COL5A1: variants seen among roughly 807,000 people sequenced by gnomAD.
COL5A1 encodes collagen type V alpha 1 chain, also known as collagen alpha-1(V) chain.
In COL5A1, 16 loss-of-function variants were observed where a neutral mutation model predicts 263.7. The ratio of observed to expected loss-of-function variants is 0.06; its 90% confidence interval spans 0.04 to 0.09. COL5A1 has a LOEUF of 0.09. Among genes scored for constraint, COL5A1 ranks in the 10% least tolerant of loss-of-function variants. The probability of loss-of-function intolerance (pLI) is 1.00; values close to 1 mark genes in which losing one functional copy is unlikely to be tolerated. For synonymous variants in COL5A1, 1,012 were observed against 1,004.5 expected (o/e 1.01, Z -0.14); for missense variants, 2,036 against 2,540.5 (o/e 0.80, Z 4.27).
At chr9:134,764,185 G>T (rs1227773310) in intron 20 of COL5A1, among the ~76,000 whole-genome samples, 1 of 146,388 alleles carries the variant, frequency 6.8e-6, no homozygotes, top group Non-Finnish European at 1.5e-5. Flanking sequence ...TGGGTACAAG[G>T]GCATTGTGGG....
chr9:134,770,512 A>C (rs748542296), intron 25 of COL5A1, among the ~76,000 whole-genome samples: 3 of 152,240 alleles, frequency 2.0e-5, no homozygotes, highest in Admixed American at 6.5e-5. Context: ...GACATGAGAA[A>C]AATGCTCACA....
chr9:134,759,498 C>A lies in COL5A1; in HGVS notation c.1935+1202C>A, dbSNP rs200276194. 2.7e-5 allele frequency among the ~76,000 whole-genome samples: 3 copies of A among 112,882 alleles called. 1 individual carries two copies. The highest frequency in any genetic ancestry group is 2.9e-4 in the South Asian group (1 of 3,466). 74.1% of individuals were successfully genotyped at this position (112,882 alleles called of 152,430 possible). A position where few individuals can be genotyped will look rare whatever the true frequency, so the allele number is the denominator to read the frequency against. On this transcript the variant is annotated intron_variant, in intron 18 of 65. Coordinates refer to ENST00000371817, the MANE Select transcript of COL5A1 (RefSeq NM_000093.5). ...ACACCCACACACACCCACACTCATA[C>A]ACACATGCACACACACATACACACA...
At chr9:134,721,597 G>T (rs766141684) in intron 4 of COL5A1, among the ~76,000 whole-genome samples, 9 of 152,168 alleles carry the variant, frequency 5.9e-5, no homozygotes, top group Non-Finnish European at 1.0e-4. Flanking sequence ...CTGGAGTCCT[G>T]CGGGGTGGGT....
intron 4 of COL5A1, chr9:134,709,266 G>A (rs1317671957): frequency 6.5e-6 from 2 of 306,334 alleles, no homozygotes; most frequent in African/African-American, 2.2e-5. Context: ...GGGGCCTCTA[G>A]CTGAGGCTTC....
At chr9:134,685,086 A>AT (rs1209089051) in intron 1 of COL5A1, among the ~76,000 whole-genome samples, 1,148 of 40,278 alleles carry the variant, frequency 0.029, no homozygotes, top group Admixed American at 0.037. Context: ...CCATCCACCC[A>AT]CCATCCATCC....
intron 17 of COL5A1, 115 bp downstream of exon 17, chr9:134,756,933 C>T: frequency 2.9e-6 from 3 of 1,028,754 alleles, no homozygotes; most frequent in Non-Finnish European, 4.6e-6. Context: ...TGACAGGTGG[C>T]TCCGTCACTG....
At chr9:134,739,011 G>C (rs1186471739) in intron 11 of COL5A1, among the ~76,000 whole-genome samples, 1 of 152,186 alleles carries the variant, frequency 6.6e-6, no homozygotes, top group African/African-American at 2.4e-5. Flanking sequence ...GGAGAGTGGG[G>C]CCCCTCGGGG....
At chr9:134,764,263 G>A (rs1836576839) in intron 20 of COL5A1, among the ~76,000 whole-genome samples, 1 of 123,762 alleles carries the variant, frequency 8.1e-6, no homozygotes, top group Non-Finnish European at 1.7e-5. Context: ...TAGGGGGTCC[G>A]AGGGCATTGT....
rs569425228 is a variant in COL5A1, at chr9:134,791,136, C to G, written c.2700+1928C>G. Among the ~76,000 whole-genome samples the G allele has an allele frequency of 1.7e-4, 26 of 152,334 alleles. No homozygotes were observed. The South Asian group carries it at 3.3e-3, about 19-fold the overall frequency. ...ACACAACACAAACCTGACTCAAGCC[C>G]AGACCTGCCAGGCACCACATGCCCC... On this transcript the variant is annotated intron_variant, in intron 32 of 65. Coordinates refer to ENST00000371817, the MANE Select transcript of COL5A1 (RefSeq NM_000093.5).
rs1375952977 is a variant in COL5A1, at chr9:134,825,874, A to T, written c.5037A>T (p.Thr1679=). Reference sequence around the variant, plus strand: ...GCAACTTCACAGCCGGGGGGTCGACATGCGTCTTCCCTGACAAGAAGTCCG... The same window carrying T: ...GCAACTTCACAGCCGGGGGGTCGACTTGCGTCTTCCCTGACAAGAAGTCCG... ...VYCNFTAGGS[T]CVFPDKKSEG... is the part of the protein sequence containing the mutation. The change falls in exon 63 of 66, where the codon ACA becomes ACT. Residue 1679 remains threonine (T), a synonymous_variant. Coordinates refer to ENST00000371817, the MANE Select transcript of COL5A1 (RefSeq NM_000093.5). 1 of 1,613,056 alleles carries T rather than the reference A, an allele frequency of 6.2e-7. No individual in the cohort carries two copies. Among genetic ancestry groups the T allele is most frequent in the East Asian group, 2.2e-5 (1 of 44,850 alleles).
intron 27 of COL5A1, 49 bp from the exon 28 acceptor site, chr9:134,780,053 G>A: frequency 6.2e-7 from 1 of 1,609,054 alleles, no homozygotes; most frequent in African/African-American, 1.3e-5. Context: ...GCTCTAGAAA[G>A]GCTGAGACTT....
chr9:134,662,514 C>T (rs1218408826), intron 1 of COL5A1, among the ~76,000 whole-genome samples: 3 of 152,210 alleles, frequency 2.0e-5, no homozygotes, highest in Admixed American at 6.5e-5. Context: ...ACGTAGATGC[C>T]CAGTGCTGCC....
At chr9:134,720,911 T>C (rs1834426340) in intron 4 of COL5A1, among the ~76,000 whole-genome samples, 2 of 152,150 alleles carry the variant, frequency 1.3e-5, no homozygotes, top group Admixed American at 1.3e-4. Flanking sequence ...CACAGCTGCC[T>C]TCAAGGTCTG....
At chr9:134,671,141 C>A (rs1035786723) in intron 1 of COL5A1, among the ~76,000 whole-genome samples, 4 of 152,228 alleles carry the variant, frequency 2.6e-5, no homozygotes, top group African/African-American at 9.7e-5. Context: ...GCCCCACACA[C>A]TTGTGCTTCA....
At position 134,842,430 on chromosome 9, in the gene COL5A1, T is replaced by C. The variant is rs1830134124; in HGVS notation, c.*127T>C. The C allele has an allele frequency of 8.4e-7, 1 of 1,195,496 alleles. No homozygotes were observed. 74.1% of individuals were successfully genotyped at this position (1,195,496 alleles called of 1,614,324 possible). A position where few individuals can be genotyped will look rare whatever the true frequency, so the allele number is the denominator to read the frequency against. Reference sequence around the variant, plus strand: ...CTCCCTCCCCTCCCACCTGACTTCATCTACGCCTCGGCACCACGGGGTGTG... The same window carrying C: ...CTCCCTCCCCTCCCACCTGACTTCACCTACGCCTCGGCACCACGGGGTGTG... On this transcript the variant is annotated 3_prime_UTR_variant, in exon 66 of 66. Coordinates refer to ENST00000371817, the MANE Select transcript of COL5A1 (RefSeq NM_000093.5). This position sits in a 1 kb window ranked among gnomAD's most constrained non-coding sequence, Gnocchi z 5.8.
chr9:134,822,057 C>T (rs183388325), intron 58 of COL5A1, 40 bp from the exon 59 acceptor site: 8 of 1,591,824 alleles, frequency 5.0e-6, no homozygotes, highest in Non-Finnish European at 6.9e-6. Context: ...AGCTCCTCCT[C>T]GTCTGAAGGT....
At chr9:134,724,118 C>T (rs1834563443) in intron 4 of COL5A1, among the ~76,000 whole-genome samples, 1 of 152,130 alleles carries the variant, frequency 6.6e-6, no homozygotes, top group African/African-American at 2.4e-5. Context: ...TGCTGTTGGG[C>T]CCCCACCCTG....
At position 134,818,802 on chromosome 9, in the gene COL5A1, A is replaced by AGGGAC; in HGVS notation, c.4339-42_4339-38dup. 2 of 1,612,370 alleles carry AGGGAC rather than the reference A, an allele frequency of 1.2e-6. No homozygotes were observed. Among genetic ancestry groups the AGGGAC allele is most frequent in the Non-Finnish European group, 1.7e-6 (2 of 1,179,362 alleles). On this transcript the variant is annotated intron_variant, in intron 55 of 65. Coordinates refer to ENST00000371817, the MANE Select transcript of COL5A1 (RefSeq NM_000093.5). The surrounding 1 kb of genome is among the most constrained non-coding windows in gnomAD (Gnocchi z 6.0). ...GAGGGGCAGAGGGGTTGCCGAGTGG[A>AGGGAC]GGGACGGGGGACCAGCAACTCATGC...
chr9:134,755,216 T>A lies in COL5A1; in HGVS notation c.1827+890T>A, dbSNP rs1835925629. Among the ~76,000 whole-genome samples the A allele has an allele frequency of 6.6e-6, 1 of 152,226 alleles. No individual in the cohort carries two copies. Among genetic ancestry groups the A allele is most frequent in the African/African-American group, 2.4e-5 (1 of 41,468 alleles). On this transcript the variant is annotated intron_variant, in intron 16 of 65. Coordinates refer to ENST00000371817, the MANE Select transcript of COL5A1 (RefSeq NM_000093.5). This position sits in a 1 kb window ranked among gnomAD's most constrained non-coding sequence, Gnocchi z 4.1. ...GAGGATTAGCAGCTCTGGAATCGAC[T>A]CTTGGTAGACAATTGGGCCATTTAT...
Sources: gnomAD v4.1 joint callset for allele counts (sites outside exome capture counted in the v4.1 genomes callset) on GRCh38, gnomAD v4.1.1 for gene constraint, Gnocchi (gnomAD v3.1) non-coding constraint, MANE v1.5 for transcripts, NCBI Gene and HGNC (gene_info 2026-07-23, HGNC 2026-07-21) for gene names.